SV2B: variants seen among roughly 807,000 people sequenced by gnomAD.
The protein encoded by SV2B is synaptic vesicle glycoprotein 2B.
In SV2B, 41 loss-of-function variants were observed where a neutral mutation model predicts 73.9. The observed-to-expected ratio is 0.56, with a 90% CI of 0.43 to 0.72. The LOEUF (loss-of-function observed/expected upper bound fraction) is 0.72. Ranked by LOEUF, SV2B falls within the 30% of genes least tolerant of loss-of-function variation. The probability of loss-of-function intolerance (pLI) is 0.00; values close to 1 mark genes in which losing one functional copy is unlikely to be tolerated. For missense variants in SV2B, 764 were observed against 857.8 expected, an observed-to-expected ratio of 0.89 and a Z score of 1.37; for synonymous variants, 314 against 314.2, an observed-to-expected ratio of 1.00 and a Z score of 0.01.
chr15:91,291,068 ATAAT>A lies in SV2B; in HGVS notation c.1869-1296_1869-1293del, dbSNP rs147700207. Reference sequence around the variant, plus strand: ...TTTATATATAATTATGATAATACATATAATTAATAACATATAATTAGTATACATT... The same window carrying A: ...TTTATATATAATTATGATAATACATATAATAACATATAATTAGTATACATT... On this transcript the variant is annotated intron_variant, in intron 12 of 12. Coordinates refer to ENST00000394232, the MANE Select transcript of SV2B (RefSeq NM_001323032.3). Among the ~76,000 whole-genome samples the A allele has an allele frequency of 6.3e-3, 931 of 148,344 alleles. 11 individuals carry two copies. The highest frequency in any genetic ancestry group is 0.022 in the African/African-American group (889 of 40,888).
At position 91,268,327 on chromosome 15, in the gene SV2B, A is replaced by G. The variant is rs2048175281; in HGVS notation, c.1209-114A>G. On this transcript the variant is annotated intron_variant, in intron 8 of 12. Coordinates refer to ENST00000394232, the MANE Select transcript of SV2B (RefSeq NM_001323032.3). The surrounding 1 kb of genome is among the most constrained non-coding windows in gnomAD (Gnocchi z 4.4). The stretch of plus-strand genomic sequence containing the variant: ...ATATTGTCAGATTTTCTAATAATGA[A>G]CCAAATTAATGTATTTTCAATGAGT... The G allele has an allele frequency of 9.1e-7, 1 of 1,095,730 alleles. No homozygotes were observed. Among genetic ancestry groups the G allele is most frequent in the African/African-American group, 1.6e-5 (1 of 62,934 alleles). 67.9% of individuals were successfully genotyped at this position (1,095,730 alleles called of 1,614,324 possible).
intron 1 of SV2B, among the ~76,000 whole-genome samples, chr15:91,157,694 C>T (rs1051013912): frequency 1.3e-5 from 2 of 152,130 alleles, no homozygotes; most frequent in Non-Finnish European, 2.9e-5. Context: ...TTAACTTGTA[C>T]CAGGTCATAG....
In SV2B at chr15:91,232,610, C is replaced by T. The variant is rs1567371200; in HGVS notation, c.451+5896C>T. ...TGAGGATGAGTTGTCTGAATTGGTTCTGGGGTTTCTGGAATTGGCTTTCTA... is the reference window on the plus strand; with the variant it reads ...TGAGGATGAGTTGTCTGAATTGGTTTTGGGGTTTCTGGAATTGGCTTTCTA... On this transcript the variant is annotated intron_variant, in intron 2 of 12. Transcript: ENST00000394232. This position sits in a 1 kb window ranked among gnomAD's most constrained non-coding sequence, Gnocchi z 4.7. Among the ~76,000 whole-genome samples the T allele has an allele frequency of 6.6e-6, 1 of 152,134 alleles. No homozygotes were observed. Among genetic ancestry groups the T allele is most frequent in the African/African-American group, 2.4e-5 (1 of 41,434 alleles).
At chr15:91,260,530 T>C in intron 6 of SV2B, 121 bp downstream of exon 6, 10 of 639,222 alleles carry the variant, frequency 1.6e-5, no homozygotes, top group South Asian at 2.6e-5. Flanking sequence ...GACTCTGATA[T>C]TGCTGTTACT....
rs946170928 is a variant in SV2B at position 91,124,168 on chromosome 15, A to T, written c.-392+23805A>T. ...CATTCTTTTCTCACCACATTCATTA[A>T]ATTATCAAAATTCTATAAGGATTTA... is the stretch of plus-strand genomic sequence containing the variant. On this transcript the variant is annotated intron_variant, in intron 1 of 12. Transcript: ENST00000394232. This position sits in a 1 kb window ranked among gnomAD's most constrained non-coding sequence, Gnocchi z 4.6. Among the ~76,000 whole-genome samples the T allele has an allele frequency of 6.6e-6, 1 of 152,146 alleles. No homozygotes were observed. The highest frequency in any genetic ancestry group is 6.5e-5 in the Admixed American group (1 of 15,278).
chr15:91,159,587 A>C (rs1208620345), intron 1 of SV2B, among the ~76,000 whole-genome samples: 2 of 152,234 alleles, frequency 1.3e-5, no homozygotes, highest in Non-Finnish European at 2.9e-5. Flanking sequence ...AAACATTGGA[A>C]ATCAATAGCA....
intron 1 of SV2B, among the ~76,000 whole-genome samples, chr15:91,116,678 T>C (rs2042188406): frequency 6.6e-6 from 1 of 152,206 alleles, no homozygotes; most frequent in Non-Finnish European, 1.5e-5. Flanking sequence ...TGCAGTCTGG[T>C]CAGGCTTGTA....
In SV2B at chr15:91,280,773, C is replaced by T. The variant is rs182156441; in HGVS notation, c.1374-955C>T. 1.7e-3 allele frequency among the ~76,000 whole-genome samples: 259 copies of T among 152,326 alleles called. No individual in the cohort carries two copies. Among genetic ancestry groups the T allele is most frequent in the Non-Finnish European group, 2.4e-3 (164 of 68,032 alleles). Reference sequence around the variant, plus strand: ...AAAAAAAGTGAACACATAATACATACGCTTGGCATAAAGTGAAAATTAAGT... The same window carrying T: ...AAAAAAAGTGAACACATAATACATATGCTTGGCATAAAGTGAAAATTAAGT... On this transcript the variant is annotated intron_variant, in intron 9 of 12. Transcript: ENST00000394232. The surrounding 1 kb of genome is among the most constrained non-coding windows in gnomAD (Gnocchi z 5.8).
chr15:91,100,222 TG>T (rs2041682676), upstream of SV2B: 1 of 151,910 alleles, frequency 6.6e-6, no homozygotes, highest in African/African-American at 2.4e-5. This position sits in a 1 kb window ranked among gnomAD's most constrained non-coding sequence, Gnocchi z 6.4. Context: ...GTGGGCGCGG[TG>T]ATGCAGGTGT....
chr15:91,260,629 G>A (rs1026606985), intron 6 of SV2B, among the ~76,000 whole-genome samples: 10 of 152,084 alleles, frequency 6.6e-5, no homozygotes, highest in African/African-American at 1.4e-4. Context: ...TGCCAGGTGC[G>A]GTGGCTCATG....
At chr15:91,270,820 TGGTGAATCCTGTGGATGATGGGG>T (rs2048272630) in intron 9 of SV2B, among the ~76,000 whole-genome samples, 1 of 70,558 alleles carries the variant, frequency 1.4e-5, no homozygotes, top group Non-Finnish European at 2.9e-5. Context: ...GATGGGGGGA[TGGTGAATCCTGTGGATGATGGGG>T]GGACGGTGAA....
Position 91,292,564 on chromosome 15 carries a change from GA to G in SV2B, c.*16del. 6.2e-7 allele frequency: 1 copy of G among 1,607,148 alleles called. No individual in the cohort carries two copies. The highest frequency in any genetic ancestry group is 8.5e-7 in the Non-Finnish European group (1 of 1,177,304). Reference sequence around the variant, plus strand: ...AGGTCCTGATGTGAACAACCTATGGGAAAAGGAAAGGTCGAGAGAATCTTGT... The same window carrying G: ...AGGTCCTGATGTGAACAACCTATGGGAAAGGAAAGGTCGAGAGAATCTTGT... On this transcript the variant is annotated 3_prime_UTR_variant, in exon 13 of 13. Coordinates refer to ENST00000394232, the MANE Select transcript of SV2B (RefSeq NM_001323032.3).
At chr15:91,169,574 G>A (rs72764763) in intron 1 of SV2B, among the ~76,000 whole-genome samples, 9,905 of 152,168 alleles carry the variant, frequency 0.065, 422 homozygotes, top group Non-Finnish European at 0.089. Context: ...ACAAGTATGT[G>A]CACCAGGCAG....
intron 9 of SV2B, among the ~76,000 whole-genome samples, chr15:91,270,788 GGGGATGGTGAAT>G (rs2048266973): frequency 6.7e-6 from 1 of 149,816 alleles, no homozygotes; most frequent in African/African-American, 2.5e-5. Flanking sequence ...TGGATGATGG[GGGGATGGTGAAT>G]CCTGTGGATG....
intron 2 of SV2B, among the ~76,000 whole-genome samples, chr15:91,249,215 A>G (rs2047384588): frequency 6.6e-6 from 1 of 152,182 alleles, no homozygotes; most frequent in African/African-American, 2.4e-5. Context: ...AAGTTGCCCG[A>G]ACATATCAGA....
chr15:91,184,322 C>T (rs1257163737), intron 1 of SV2B, among the ~76,000 whole-genome samples: 1 of 152,080 alleles, frequency 6.6e-6, no homozygotes, highest in East Asian at 1.9e-4. Flanking sequence ...TGAATTCCGA[C>T]CTCTATTTAC....
At chr15:91,282,774 C>G (rs1474923777) in intron 10 of SV2B, among the ~76,000 whole-genome samples, 1 of 152,186 alleles carries the variant, frequency 6.6e-6, no homozygotes, top group Non-Finnish European at 1.5e-5. Flanking sequence ...TCTTTTTCCT[C>G]TATGATATCA....
intron 1 of SV2B, among the ~76,000 whole-genome samples, chr15:91,222,221 C>T (rs2141470700): frequency 6.6e-6 from 1 of 151,918 alleles, no homozygotes; most frequent in East Asian, 2.0e-4. Flanking sequence ...CCTGTGTCGT[C>T]TATCTAAGTT....
intron 5 of SV2B, among the ~76,000 whole-genome samples, chr15:91,259,516 T>C (rs1280328460): frequency 1.3e-5 from 2 of 152,162 alleles, no homozygotes; most frequent in Non-Finnish European, 2.9e-5. Context: ...TGGATATGAG[T>C]GTCCTAGGGC....
Sources: gnomAD v4.1 joint callset for allele counts (sites outside exome capture counted in the v4.1 genomes callset) on GRCh38, gnomAD v4.1.1 for gene constraint, Gnocchi (gnomAD v3.1) non-coding constraint, MANE v1.5 for transcripts, NCBI Gene and HGNC (gene_info 2026-07-23, HGNC 2026-07-21) for gene names.